PPM1L: variants seen among roughly 807,000 people sequenced by gnomAD.
PPM1L encodes protein phosphatase, Mg2+/Mn2+ dependent 1L, also known as protein phosphatase 1L.
Under a neutral mutation model 31.4 loss-of-function variants are expected in PPM1L, and 13 were observed. That is an observed-to-expected ratio of 0.41 (90% CI 0.27 to 0.66). The LOEUF is 0.66. Among genes scored for constraint, PPM1L ranks in the 30% least tolerant of loss-of-function variants. The pLI, the probability that PPM1L is intolerant of heterozygous loss-of-function variation, is 0.29. For synonymous variants in PPM1L, 184 were observed against 175.4 expected (o/e 1.05, Z -0.39); for missense variants, 326 against 453.7 (o/e 0.72, Z 2.56).
At chr3:160,969,430 A>G (rs1433681637) in intron 2 of PPM1L, among the ~76,000 whole-genome samples, 1 of 152,140 alleles carries the variant, frequency 6.6e-6, no homozygotes, top group Non-Finnish European at 1.5e-5. Flanking sequence ...AAGAAAGGCC[A>G]TTTACTGTCA....
At chr3:160,906,457 C>G (rs887181872) in intron 1 of PPM1L, among the ~76,000 whole-genome samples, 2 of 152,072 alleles carry the variant, frequency 1.3e-5, no homozygotes, top group African/African-American at 2.4e-5. Flanking sequence ...CAAAAATTAG[C>G]TGGGTGTGAT....
intron 1 of PPM1L, among the ~76,000 whole-genome samples, chr3:160,903,208 T>TTGTTTG (rs1553819696): frequency 8.3e-6 from 1 of 120,038 alleles, no homozygotes; most frequent in African/African-American, 3.1e-5. Flanking sequence ...GTGTGTATGT[T>TTGTTTG]TGTGTGTGTG....
chr3:160,845,389 A>G (rs190588682), intron 1 of PPM1L, among the ~76,000 whole-genome samples: 6 of 152,188 alleles, frequency 3.9e-5, no homozygotes, highest in Admixed American at 2.6e-4. Context: ...TATTCTGGAT[A>G]TAAGTCGTTT....
intron 1 of PPM1L, among the ~76,000 whole-genome samples, chr3:160,927,909 T>C (rs927159461): frequency 3.9e-5 from 6 of 152,146 alleles, no homozygotes; most frequent in African/African-American, 1.4e-4. Flanking sequence ...AGTAAATGTG[T>C]ATTGAATGAA....
At chr3:160,965,829 T>C (rs1483843797) in intron 2 of PPM1L, among the ~76,000 whole-genome samples, 1 of 152,124 alleles carries the variant, frequency 6.6e-6, no homozygotes, top group African/African-American at 2.4e-5. Context: ...GGTTAATTTG[T>C]CTTTAATGCT....
intron 1 of PPM1L, among the ~76,000 whole-genome samples, chr3:160,922,615 C>A (rs567018554): frequency 1.3e-5 from 2 of 152,236 alleles, no homozygotes; most frequent in South Asian, 4.1e-4. Context: ...ATTCTCAGGA[C>A]CATACAACTC....
intron 1 of PPM1L, among the ~76,000 whole-genome samples, chr3:160,883,724 T>C (rs932611011): frequency 6.6e-6 from 1 of 151,806 alleles, no homozygotes; most frequent in Non-Finnish European, 1.5e-5. Context: ...TTTGGGGGCC[T>C]GGGCTTTGGG....
At chr3:160,866,937 T>C (rs1712112411) in intron 1 of PPM1L, among the ~76,000 whole-genome samples, 1 of 152,140 alleles carries the variant, frequency 6.6e-6, no homozygotes, top group Non-Finnish European at 1.5e-5. Context: ...CTTGACCTCC[T>C]GGTCTCAAGC....
chr3:160,954,956 C>CTTTCCTTTCCT (rs58687052), intron 1 of PPM1L, among the ~76,000 whole-genome samples: 38 of 77,454 alleles, frequency 4.9e-4, no homozygotes, highest in African/African-American at 2.2e-3. Context: ...TCCTTCCTTC[C>CTTTCCTTTCCT]TTCCTTTCCT....
At chr3:161,030,183 A>C (rs1718521175) in intron 2 of PPM1L, among the ~76,000 whole-genome samples, 1 of 152,202 alleles carries the variant, frequency 6.6e-6, no homozygotes, top group South Asian at 2.1e-4. Flanking sequence ...TAGTCACAAA[A>C]GTTAGTACTA....
intron 1 of PPM1L, among the ~76,000 whole-genome samples, chr3:160,924,631 G>C (rs1714525358): frequency 6.6e-6 from 1 of 152,164 alleles, no homozygotes; most frequent in African/African-American, 2.4e-5. Context: ...CCTTAGTATA[G>C]TTGGTACCTG....
intron 1 of PPM1L, among the ~76,000 whole-genome samples, chr3:160,904,268 A>T (rs1713665637): frequency 6.6e-6 from 1 of 152,240 alleles, no homozygotes; most frequent in Non-Finnish European, 1.5e-5. Flanking sequence ...TGGTTCATCC[A>T]TATAATAAAA....
chr3:160,960,005 G>A (rs1209697260), intron 1 of PPM1L, among the ~76,000 whole-genome samples: 1 of 151,620 alleles, frequency 6.6e-6, no homozygotes, highest in Non-Finnish European at 1.5e-5. Flanking sequence ...CTGATATTCT[G>A]TGACTTTGAT....
chr3:160,837,704 C>T (rs1560121447), intron 1 of PPM1L, among the ~76,000 whole-genome samples: 1 of 152,106 alleles, frequency 6.6e-6, no homozygotes, highest in African/African-American at 2.4e-5. Context: ...ATTGCCAAGC[C>T]TCGGGTGGGA....
At chr3:160,923,472 C>A (rs886518814) in intron 1 of PPM1L, among the ~76,000 whole-genome samples, 5 of 152,212 alleles carry the variant, frequency 3.3e-5, no homozygotes, top group Middle Eastern at 3.4e-3. Flanking sequence ...AAAATATGGC[C>A]TTATTTTAGC....
intron 1 of PPM1L, among the ~76,000 whole-genome samples, chr3:160,852,667 G>A (rs183425134): frequency 3.3e-4 from 50 of 152,274 alleles, no homozygotes; most frequent in African/African-American, 1.1e-3. Context: ...AAACTGGCTG[G>A]AAGGGTCAAC....
At chr3:160,849,086 C>T (rs569597982) in intron 1 of PPM1L, among the ~76,000 whole-genome samples, 1 of 152,242 alleles carries the variant, frequency 6.6e-6, no homozygotes, top group African/African-American at 2.4e-5. Context: ...CCTAGTAATC[C>T]AGGACTTGTC....
intron 2 of PPM1L, among the ~76,000 whole-genome samples, chr3:161,012,555 C>T (rs917678137): frequency 1.3e-5 from 2 of 151,748 alleles, no homozygotes; most frequent in Admixed American, 6.6e-5. Flanking sequence ...GGAGGATTCC[C>T]TCTTTTTCTA....
At chr3:160,867,054 G>A (rs1712116283) in intron 1 of PPM1L, among the ~76,000 whole-genome samples, 1 of 151,992 alleles carries the variant, frequency 6.6e-6, no homozygotes, top group Admixed American at 6.6e-5. Context: ...TGCCCAGTCT[G>A]GTTTTGAACT....
Sources: gnomAD v4.1 joint callset for allele counts (sites outside exome capture counted in the v4.1 genomes callset) on GRCh38, gnomAD v4.1.1 for gene constraint, MANE v1.5 for transcripts, NCBI Gene and HGNC (gene_info 2026-07-23, HGNC 2026-07-21) for gene names.